The following PPP3R1 variants were observed in gnomAD, a reference collection of about 807,000 sequenced individuals.
PPP3R1 encodes the protein calcineurin subunit B type 1.
A neutral mutation model predicts 22.6 loss-of-function variants in PPP3R1; 5 were observed. The ratio of observed to expected loss-of-function variants is 0.22; its 90% CI spans 0.12 to 0.46. The LOEUF is 0.46. PPP3R1 is among the 20% of genes least tolerant of loss of function. The probability of loss-of-function intolerance (pLI) is 0.99; values close to 1 mark genes in which losing one functional copy is unlikely to be tolerated. For synonymous variants in PPP3R1, 56 were observed against 65.2 expected (o/e 0.86, Z 0.68); for missense variants, 61 against 203.2 (o/e 0.30, Z 4.25).
intron 2 of PPP3R1, among the ~76,000 whole-genome samples, chr2:68,195,775 A>G (rs1481318833): frequency 6.6e-6 from 1 of 152,206 alleles, no homozygotes; most frequent in Non-Finnish European, 1.5e-5. Flanking sequence ...TGAGTATTTT[A>G]GTACATGAAT....
chr2:68,192,761 TC>T (rs1261950269), intron 2 of PPP3R1, among the ~76,000 whole-genome samples: 1 of 152,188 alleles, frequency 6.6e-6, no homozygotes, highest in Non-Finnish European at 1.5e-5. Flanking sequence ...CTTTACATTT[TC>T]TAGTGGCTTT....
At chr2:68,236,197 T>A (rs1670016492) in intron 1 of PPP3R1, among the ~76,000 whole-genome samples, 1 of 152,192 alleles carries the variant, frequency 6.6e-6, no homozygotes, top group South Asian at 2.1e-4. Context: ...TACCTTTTTT[T>A]TCTTTCATTG....
rs1670380304 is a variant in PPP3R1 at position 68,252,189 on chromosome 2, G to C, written c.-62C>G. The C allele has an allele frequency of 1.5e-6, 2 of 1,304,062 alleles. No homozygotes were observed. Among genetic ancestry groups the C allele is most frequent in the Non-Finnish European group, 2.0e-6 (2 of 1,000,708 alleles). The allele number at this position is 1,304,062 out of a possible 1,614,324, so 80.8% of individuals were successfully genotyped here. A position where few individuals can be genotyped will look rare whatever the true frequency, so the allele number is the denominator to read the frequency against. Reference sequence around the variant, plus strand: ...CTCGGAGAAGTGTTGCGCTCAGGCTGGCTCGCAGGAAACGGCGGCGGCGGC... The same window carrying C: ...CTCGGAGAAGTGTTGCGCTCAGGCTCGCTCGCAGGAAACGGCGGCGGCGGC... On this transcript the variant is annotated 5_prime_UTR_variant, in exon 1 of 6. Coordinates refer to ENST00000234310, the MANE Select transcript of PPP3R1 (RefSeq NM_000945.4).
chr2:68,198,699 T>C (rs889337724), intron 2 of PPP3R1, among the ~76,000 whole-genome samples: 1 of 152,098 alleles, frequency 6.6e-6, no homozygotes, highest in Non-Finnish European at 1.5e-5. Flanking sequence ...ACCATCAGTT[T>C]GCTAAATTTT....
chr2:68,187,533 T>C (rs878939833), intron 3 of PPP3R1, among the ~76,000 whole-genome samples: 43 of 152,320 alleles, frequency 2.8e-4, no homozygotes, highest in African/African-American at 1.0e-3. Context: ...GTCAATCAAT[T>C]TGAACAAACA....
At chr2:68,187,884 C>G (rs78811263) in intron 3 of PPP3R1, among the ~76,000 whole-genome samples, 1 of 148,374 alleles carries the variant, frequency 6.7e-6, no homozygotes, top group African/African-American at 2.5e-5. Flanking sequence ...AAAAAAAAAA[C>G]TGGCTTGGCG....
intron 2 of PPP3R1, among the ~76,000 whole-genome samples, chr2:68,193,541 A>G (rs928609077): frequency 1.3e-5 from 2 of 152,180 alleles, no homozygotes; most frequent in African/African-American, 4.8e-5. Flanking sequence ...AAAAAATTTT[A>G]AAGCCAAGAT....
At chr2:68,181,347 C>G (rs767679462) in intron 5 of PPP3R1, among the ~76,000 whole-genome samples, 31 of 149,838 alleles carry the variant, frequency 2.1e-4, no homozygotes, top group Non-Finnish European at 4.1e-4. Context: ...GAGCCTATAT[C>G]GCGCCACTGC....
intron 1 of PPP3R1, among the ~76,000 whole-genome samples, chr2:68,223,089 C>T (rs144481624): frequency 1.3e-5 from 2 of 152,218 alleles, no homozygotes; most frequent in East Asian, 3.9e-4. Flanking sequence ...CAAAATCAGA[C>T]AGTATCACAA....
At chr2:68,232,268 TATATATATACAC>T (rs1309581978) in intron 1 of PPP3R1, among the ~76,000 whole-genome samples, 2 of 14,638 alleles carry the variant, frequency 1.4e-4, no homozygotes, top group Admixed American at 1.4e-3. Context: ...TGTGTGTGTA[TATATATATACAC>T]ACACACAAAA....
intron 2 of PPP3R1, among the ~76,000 whole-genome samples, chr2:68,196,830 T>C (rs533055164): frequency 1.3e-5 from 2 of 152,154 alleles, no homozygotes; most frequent in South Asian, 4.2e-4. Context: ...GTTCAAGCAA[T>C]TCTTCTGCCT....
rs769330809 is a variant in PPP3R1, at chr2:68,186,459, T to C, written c.465+9A>G. On this transcript the variant is annotated intron_variant, in intron 5 of 5. Transcript: ENST00000234310. ...TAACTAACGGAAGAACCAGCTCTTT[T>C]GTACTTACAGCACAGAATTCTTCAA... is the stretch of plus-strand genomic sequence containing the variant. 6.2e-7 allele frequency: 1 copy of C among 1,600,104 alleles called. No homozygotes were observed. The highest frequency in any genetic ancestry group is 2.2e-5 in the East Asian group (1 of 44,632).
At chr2:68,218,757 C>G (rs74577030) in intron 1 of PPP3R1, among the ~76,000 whole-genome samples, 10,062 of 149,124 alleles carry the variant, frequency 0.067, 406 homozygotes, top group Middle Eastern at 0.21. Context: ...AGTATCATTA[C>G]TGTTTTATAA....
At chr2:68,234,100 T>G (rs745959533) in intron 1 of PPP3R1, among the ~76,000 whole-genome samples, 1 of 152,050 alleles carries the variant, frequency 6.6e-6, no homozygotes, top group Non-Finnish European at 1.5e-5. Context: ...TCCCAGCACT[T>G]TGGGAGGCCG....
intron 2 of PPP3R1, among the ~76,000 whole-genome samples, chr2:68,214,269 A>G (rs1050096245): frequency 1.3e-5 from 2 of 152,196 alleles, no homozygotes; most frequent in African/African-American, 4.8e-5. Context: ...AATTGCAACA[A>G]AGACAAAAAC....
chr2:68,211,042 G>A lies in PPP3R1; in HGVS notation c.43+6050C>T, dbSNP rs118127328. ...CAGTGCATATAAAAGTTATATTTAC[G>A]TATTACTGTTGTCTACAAAGTGTGC... On this transcript the variant is annotated intron_variant, in intron 2 of 5. Transcript: ENST00000234310. Among the ~76,000 whole-genome samples, 33 of 152,108 alleles carry A rather than the reference G, an allele frequency of 2.2e-4. No homozygotes were observed. In the South Asian group the frequency reaches 4.8e-3, roughly 22 times the overall value.
intron 2 of PPP3R1, among the ~76,000 whole-genome samples, chr2:68,192,869 C>A (rs1035451749): frequency 3.3e-5 from 5 of 152,144 alleles, no homozygotes; most frequent in Non-Finnish European, 7.4e-5. Context: ...GGCTACAATG[C>A]TCTTGGCACA....
At chr2:68,227,152 A>G (rs1669798443) in intron 1 of PPP3R1, among the ~76,000 whole-genome samples, 2 of 152,082 alleles carry the variant, frequency 1.3e-5, no homozygotes, top group Non-Finnish European at 2.9e-5. Context: ...CTTTAAGATC[A>G]AAGTAACTCT....
chr2:68,233,306 T>C (rs1669953962), intron 1 of PPP3R1, among the ~76,000 whole-genome samples: 1 of 152,220 alleles, frequency 6.6e-6, no homozygotes, highest in Admixed American at 6.5e-5. Flanking sequence ...TAAATATCTT[T>C]GAATTATCAT....
Sources: allele counts gnomAD v4.1 joint callset (sites outside exome capture counted in the v4.1 genomes callset), GRCh38; gene constraint gnomAD v4.1.1; transcripts MANE v1.5; gene names NCBI Gene and HGNC (gene_info 2026-07-23, HGNC 2026-07-21).